Variants in BBX observed in about 807,000 individuals in gnomAD.
BBX encodes the protein HMG box transcription factor BBX.
A neutral mutation model predicts 100.2 loss-of-function variants in BBX; 30 were observed. That is an observed-to-expected ratio of 0.30 (90% CI 0.22 to 0.41). BBX has a LOEUF of 0.41. Ranked by LOEUF, BBX falls within the 10% of genes least tolerant of loss-of-function variation. BBX has a pLI of 1.00. For synonymous variants in BBX, 376 were observed against 388.1 expected, an observed-to-expected ratio of 0.97 and a Z score of 0.37; for missense variants, 1,023 against 1,129.8, an observed-to-expected ratio of 0.91 and a Z score of 1.35.
intron 5 of BBX, among the ~76,000 whole-genome samples, chr3:107,725,587 A>C (rs948832590): frequency 6.6e-6 from 1 of 152,230 alleles, no homozygotes; most frequent in East Asian, 1.9e-4. Context: ...CTTTTGTCAC[A>C]TAAAAATGCC....
intron 3 of BBX, among the ~76,000 whole-genome samples, chr3:107,654,310 G>T (rs554760305): frequency 1.3e-5 from 2 of 152,226 alleles, no homozygotes; most frequent in African/African-American, 4.8e-5. Flanking sequence ...TATTCACCTA[G>T]AGTTTCACTT....
intron 2 of BBX, among the ~76,000 whole-genome samples, chr3:107,533,917 T>C (rs1350575212): frequency 6.6e-6 from 1 of 152,218 alleles, no homozygotes; most frequent in Non-Finnish European, 1.5e-5. Context: ...TATATTGTTT[T>C]GTAGAGGTTC....
Position 107,636,619 on chromosome 3 carries a change from T to C in BBX, c.-83-9217T>C, listed in dbSNP as rs527965361. On this transcript the variant is annotated intron_variant, in intron 2 of 17. Coordinates refer to ENST00000325805, the MANE Select transcript of BBX (RefSeq NM_001142568.3). ...TTTGCCATTTGCCTTGTAGTACTTA[T>C]AATTGGTGCCCCCGGAGTTGTATAG... 3.3e-5 allele frequency among the ~76,000 whole-genome samples: 5 copies of C among 152,348 alleles called. No individual in the cohort carries two copies. The East Asian group carries it at 9.6e-4, about 29-fold the overall frequency.
At chr3:107,675,368 AGTTTAAGGACT>A (rs1278138965) in intron 3 of BBX, among the ~76,000 whole-genome samples, 2 of 152,154 alleles carry the variant, frequency 1.3e-5, no homozygotes, top group Admixed American at 1.3e-4. Context: ...AGCCTCAGCT[AGTTTAAGGACT>A]GTGCTGATGG....
chr3:107,731,550 G>A (rs1455590402), intron 6 of BBX, among the ~76,000 whole-genome samples: 12 of 152,056 alleles, frequency 7.9e-5, no homozygotes, highest in Non-Finnish European at 8.8e-5. Context: ...ATTAGCTACT[G>A]TTTGTCTGTG....
chr3:107,762,736 G>A (rs552875147), intron 10 of BBX, among the ~76,000 whole-genome samples: 122 of 152,144 alleles, frequency 8.0e-4, no homozygotes, highest in African/African-American at 2.8e-3. Flanking sequence ...TTTTTAATCT[G>A]GCCAACTCCT....
rs768329394 is a variant in BBX, at chr3:107,801,276, G to T, written c.2733G>T (p.Val911=). Reference sequence around the variant, plus strand: ...CTGAAGTGGCAGCCATGGAAAATGTGCACAGGTTAGTGGTAGAAGGTGGAA... The same window carrying T: ...CTGAAGTGGCAGCCATGGAAAATGTTCACAGGTTAGTGGTAGAAGGTGGAA... The part of the protein sequence containing the change: ...ALAEVAAMEN[V]HRGQRSTPLT... Residue 911 remains valine, a synonymous_variant, in exon 17 of 18, where the codon GTG becomes GTT. Coordinates refer to ENST00000325805, the MANE Select transcript of BBX (RefSeq NM_001142568.3). 2 of 1,613,870 alleles carry T rather than the reference G, an allele frequency of 1.2e-6. No individual in the cohort carries two copies. Among genetic ancestry groups the T allele is most frequent in the South Asian group, 2.2e-5 (2 of 91,022 alleles).
intron 2 of BBX, among the ~76,000 whole-genome samples, chr3:107,542,211 A>G (rs921491890): frequency 1.3e-5 from 2 of 152,190 alleles, no homozygotes; most frequent in African/African-American, 4.8e-5. Flanking sequence ...TCATTATTAT[A>G]CTGTGGGAGA....
At chr3:107,755,167 A>G (rs866857799) in intron 9 of BBX, among the ~76,000 whole-genome samples, 8 of 152,224 alleles carry the variant, frequency 5.3e-5, no homozygotes, top group Non-Finnish European at 1.0e-4. Flanking sequence ...TGGATTCTAA[A>G]CAAAATTTGT....
intron 13 of BBX, among the ~76,000 whole-genome samples, chr3:107,788,277 GGAGAA>G (rs1296727658): frequency 6.6e-6 from 1 of 152,104 alleles, no homozygotes; most frequent in African/African-American, 2.4e-5. Context: ...TATCAGTGAT[GGAGAA>G]GAGAAAAGAA....
chr3:107,726,455 T>G (rs1379350014), intron 5 of BBX, among the ~76,000 whole-genome samples: 1 of 124,970 alleles, frequency 8.0e-6, no homozygotes, highest in Non-Finnish European at 1.8e-5. Context: ...ACTCTTCCAC[T>G]CAATTTATAC....
chr3:107,574,797 G>C (rs910320573), intron 2 of BBX, among the ~76,000 whole-genome samples: 6 of 152,066 alleles, frequency 3.9e-5, no homozygotes, highest in African/African-American at 1.4e-4. Context: ...TATAAAAATT[G>C]ATTTATTTTT....
rs769651500 is a variant in BBX, at chr3:107,805,516, G to A, written c.*59G>A. ...CTACTACCCTAGCCTTGTCTTTACC[G>A]AGGGATGCTAGTGAGTCCAAGTGGT... On this transcript the variant is annotated 3_prime_UTR_variant, in exon 18 of 18. Transcript: ENST00000325805. The A allele has an allele frequency of 1.5e-5, 24 of 1,613,272 alleles. No homozygotes were observed. Among genetic ancestry groups the A allele is most frequent in the Admixed American group, 6.7e-5 (4 of 59,888 alleles).
At chr3:107,635,582 A>T (rs1338219258) in intron 2 of BBX, among the ~76,000 whole-genome samples, 1 of 152,220 alleles carries the variant, frequency 6.6e-6, no homozygotes, top group Non-Finnish European at 1.5e-5. Context: ...AAACATCTTG[A>T]CTTACTGAAT....
At chr3:107,562,199 C>G (rs549537442) in intron 2 of BBX, among the ~76,000 whole-genome samples, 63 of 152,238 alleles carry the variant, frequency 4.1e-4, no homozygotes, top group African/African-American at 1.5e-3. Context: ...CGATTACATT[C>G]AAATAAACAC....
chr3:107,596,330 G>A (rs1266064275), intron 2 of BBX, among the ~76,000 whole-genome samples: 3 of 152,128 alleles, frequency 2.0e-5, no homozygotes, highest in African/African-American at 4.8e-5. Flanking sequence ...GACCAAAAAG[G>A]GGAAAAATCC....
intron 12 of BBX, among the ~76,000 whole-genome samples, chr3:107,777,709 G>A (rs1262929974): frequency 6.6e-6 from 1 of 152,116 alleles, no homozygotes; most frequent in East Asian, 1.9e-4. Context: ...GTTAAAGCAT[G>A]TTGCCTCTGT....
intron 2 of BBX, among the ~76,000 whole-genome samples, chr3:107,587,466 C>T (rs761118474): frequency 5.3e-5 from 8 of 151,756 alleles, no homozygotes; most frequent in Non-Finnish European, 1.0e-4. Flanking sequence ...AATTGCTGTT[C>T]TCACAATTCC....
rs1191608037 is a variant in BBX at position 107,710,604 on chromosome 3, A to C, written c.144A>C (p.Glu48Asp). ...DFSEEEEEED[E>D]EEDIDKVQLL... ...CAGAAGAGGAAGAAGAGGAAGACGA[A>C]GAGGAGGATATTGATAAGGTAAGTC... Residue 48 changes from glutamate (E) to aspartate (D), a missense_variant, in exon 4 of 18, where the codon GAA becomes GAC. By Grantham distance (45) the Glu-to-Asp change is conservative. This residue lies in a region of BBX where 229 missense variants were observed against 226.3 expected (regional missense o/e 1.01). Coordinates refer to ENST00000325805, the MANE Select transcript of BBX (RefSeq NM_001142568.3). The C allele has an allele frequency of 6.2e-7, 1 of 1,612,522 alleles. No individual in the cohort carries two copies. The highest frequency in any genetic ancestry group is 8.5e-7 in the Non-Finnish European group (1 of 1,179,104).
Sources: allele counts gnomAD v4.1 joint callset (sites outside exome capture counted in the v4.1 genomes callset), GRCh38; gene constraint gnomAD v4.1.1; regional missense constraint gnomAD v4.1.1; transcripts MANE v1.5; gene names NCBI Gene and HGNC (gene_info 2026-07-23, HGNC 2026-07-21).